Variants in ANKHD1 observed in about 807,000 individuals in gnomAD.
ANKHD1 encodes the protein ankyrin repeat and KH domain-containing protein 1.
ANKHD1 carries 31 observed loss-of-function variants against 230.5 expected under a neutral mutation model. That is an observed-to-expected ratio of 0.13 (90% CI 0.10 to 0.18). ANKHD1 has a LOEUF of 0.18. Among genes scored for constraint, ANKHD1 ranks in the 10% least tolerant of loss-of-function variants. ANKHD1 has a pLI of 1.00. For synonymous variants in ANKHD1, 1,074 were observed against 1,117.6 expected (o/e 0.96, Z 0.78); for missense variants, 2,256 against 3,071.3 (o/e 0.73, Z 6.27).
chr5:140,519,209 T>A (rs1396414207), intron 24 of ANKHD1, among the ~76,000 whole-genome samples: 1 of 152,076 alleles, frequency 6.6e-6, no homozygotes, highest in Non-Finnish European at 1.5e-5. Flanking sequence ...TACCTAGGAA[T>A]CCAACTTACA....
chr5:140,446,266 A>G (rs1774271285), intron 6 of ANKHD1, among the ~76,000 whole-genome samples: 1 of 152,208 alleles, frequency 6.6e-6, no homozygotes, highest in Admixed American at 6.5e-5. Flanking sequence ...TTTGTTTTAT[A>G]TGATTTTTCC....
In ANKHD1 at chr5:140,507,249, A is replaced by C. The variant is rs150072621; in HGVS notation, c.3551+272A>C. 1.9e-3 allele frequency among the ~76,000 whole-genome samples: 293 copies of C among 152,256 alleles called. 2 individuals are homozygous for C. The highest frequency in any genetic ancestry group is 6.2e-3 in the African/African-American group (256 of 41,542). ...AATCTCATCTGATCTCAGAAACGGT[A>C]TTTTATTTTATATAGTTGGAAATTT... On this transcript the variant is annotated intron_variant, in intron 19 of 33. Coordinates refer to ENST00000360839, the MANE Select transcript of ANKHD1 (RefSeq NM_017747.3). This position sits in a 1 kb window ranked among gnomAD's most constrained non-coding sequence, Gnocchi z 4.1.
intron 10 of ANKHD1, among the ~76,000 whole-genome samples, chr5:140,476,952 AG>A (rs1424386000): frequency 1.3e-5 from 2 of 152,124 alleles, no homozygotes; most frequent in Non-Finnish European, 1.5e-5. Context: ...TACTGAATAA[AG>A]TTTTTTTTTA....
intron 2 of ANKHD1, among the ~76,000 whole-genome samples, chr5:140,437,297 G>C (rs1190553194): frequency 6.6e-6 from 1 of 152,156 alleles, no homozygotes; most frequent in African/African-American, 2.4e-5. Context: ...CACAAATAAT[G>C]TTATAGTTTA....
intron 5 of ANKHD1, among the ~76,000 whole-genome samples, chr5:140,445,099 A>AT (rs542671980): frequency 4.6e-5 from 7 of 151,956 alleles, no homozygotes; most frequent in Non-Finnish European, 1.0e-4. Context: ...GGTTCAAGCA[A>AT]TCCTCCCACC....
intron 7 of ANKHD1, among the ~76,000 whole-genome samples, chr5:140,449,985 T>C (rs2126942575): frequency 6.6e-6 from 1 of 152,296 alleles, no homozygotes; most frequent in South Asian, 2.1e-4. Flanking sequence ...ATTCTCTGTG[T>C]CACAGAGAAT....
At chr5:140,536,198 A>G (rs1394569485) in intron 30 of ANKHD1, among the ~76,000 whole-genome samples, 1 of 152,130 alleles carries the variant, frequency 6.6e-6, no homozygotes, top group Non-Finnish European at 1.5e-5. Flanking sequence ...GGCTCAAGCG[A>G]TTCTCCTGCC....
intron 14 of ANKHD1, among the ~76,000 whole-genome samples, chr5:140,489,758 A>G (rs755531373): frequency 5.3e-5 from 8 of 152,154 alleles, no homozygotes; most frequent in Non-Finnish European, 1.0e-4. Flanking sequence ...CTAAGGAATC[A>G]TTTTACTAGA....
chr5:140,537,728 T>C, intron 31 of ANKHD1, 139 bp downstream of exon 31: 1 of 1,333,886 alleles, frequency 7.5e-7, no homozygotes, highest in Non-Finnish European at 9.8e-7. Flanking sequence ...AGGGTGTTTA[T>C]ATCTTTGAGG....
chr5:140,491,155 TATATA>T (rs1448659657), intron 14 of ANKHD1, among the ~76,000 whole-genome samples: 7 of 101,438 alleles, frequency 6.9e-5, no homozygotes, highest in African/African-American at 2.7e-4. Context: ...TATATATATA[TATATA>T]TTTTTTTTTT....
intron 24 of ANKHD1, among the ~76,000 whole-genome samples, chr5:140,520,896 T>A (rs1184686261): frequency 2.0e-5 from 3 of 150,110 alleles, no homozygotes; most frequent in Admixed American, 6.7e-5. Flanking sequence ...TAACTGCACA[T>A]TGTGCACATG....
intron 14 of ANKHD1, among the ~76,000 whole-genome samples, chr5:140,492,331 A>G (rs1404674257): frequency 6.6e-6 from 1 of 152,202 alleles, no homozygotes; most frequent in African/African-American, 2.4e-5. Flanking sequence ...TGTAACACAG[A>G]TGTTTCTTTG....
At chr5:140,525,970 A>T (rs1205285634) in intron 25 of ANKHD1, 26 bp from the exon 26 acceptor site, 1 of 1,538,762 alleles carries the variant, frequency 6.5e-7, no homozygotes. Context: ...ACTCAGTATG[A>T]TTTTTATTCT....
At chr5:140,456,017 C>T (rs1229360717) in intron 7 of ANKHD1, among the ~76,000 whole-genome samples, 1 of 152,216 alleles carries the variant, frequency 6.6e-6, no homozygotes, top group Non-Finnish European at 1.5e-5. Context: ...TCAGCAAAGT[C>T]TCAGGATACA....
intron 10 of ANKHD1, chr5:140,472,306 C>A: frequency 6.2e-7 from 1 of 1,613,176 alleles, no homozygotes; most frequent in East Asian, 2.2e-5. Flanking sequence ...GTGAGGGTGG[C>A]CTTTGATGCT....
At chr5:140,428,086 G>A (rs1408123747) in intron 1 of ANKHD1, among the ~76,000 whole-genome samples, 22 of 152,090 alleles carry the variant, frequency 1.4e-4, no homozygotes, top group Middle Eastern at 3.4e-3. Flanking sequence ...ATGGCGGCCG[G>A]GAAGAGGTGC....
intron 1 of ANKHD1, among the ~76,000 whole-genome samples, chr5:140,434,866 G>A (rs1034324761): frequency 2.0e-5 from 3 of 151,842 alleles, no homozygotes; most frequent in Non-Finnish European, 2.9e-5. Context: ...ACTAATTTTT[G>A]TCTGGCTTTC....
chr5:140,496,482 T>TTAA, intron 14 of ANKHD1, 38 bp from the exon 15 acceptor site: 1 of 1,036,338 alleles, frequency 9.6e-7, no homozygotes, highest in Non-Finnish European at 1.3e-6. Flanking sequence ...TTTTTTTTTT[T>TTAA]AGCATGGCAC....
At chr5:140,416,603 G>A (rs1279441325) in intron 1 of ANKHD1, among the ~76,000 whole-genome samples, 3 of 152,022 alleles carry the variant, frequency 2.0e-5, no homozygotes, top group Non-Finnish European at 4.4e-5. Flanking sequence ...TAGCTTTATA[G>A]TAAGTTGAAA....
Sources: gnomAD v4.1 joint callset for allele counts (sites outside exome capture counted in the v4.1 genomes callset) on GRCh38, gnomAD v4.1.1 for gene constraint, Gnocchi (gnomAD v3.1) non-coding constraint, MANE v1.5 for transcripts, NCBI Gene and HGNC (gene_info 2026-07-23, HGNC 2026-07-21) for gene names.